Variants in LRP1B observed in about 807,000 individuals in gnomAD.
The protein encoded by LRP1B is LDL receptor related protein 1B, also known as low-density lipoprotein receptor-related protein 1B.
In LRP1B, 217 loss-of-function variants were observed where a neutral mutation model predicts 556.6. That is an observed-to-expected ratio of 0.39 (90% CI 0.35 to 0.44). The LOEUF is 0.44. Among genes scored for constraint, LRP1B ranks in the 20% least tolerant of loss-of-function variants. The probability of loss-of-function intolerance (pLI) is 1.00; values close to 1 mark genes in which losing one functional copy is unlikely to be tolerated. For missense variants in LRP1B, 5,053 were observed against 5,620.8 expected (o/e 0.90, Z 3.23); for synonymous variants, 2,047 against 1,865.8 (o/e 1.10, Z -2.50).
At chr2:141,363,649 T>G (rs935097669) in intron 3 of LRP1B, among the ~76,000 whole-genome samples, 1 of 152,164 alleles carries the variant, frequency 6.6e-6, no homozygotes, top group Non-Finnish European at 1.5e-5. Flanking sequence ...TATCACACTA[T>G]CAGAAGTCTT....
Position 140,700,600 on chromosome 2 carries a change from T to C in LRP1B, c.6449A>G (p.Asp2150Gly), listed in dbSNP as rs755390404. 4 of 1,613,526 alleles carry C rather than the reference T, an allele frequency of 2.5e-6. No homozygotes were observed. In the South Asian group the frequency reaches 3.3e-5, roughly 13 times the overall value. ...ACAGAGTTGCTTACAGCCACCATTG[T>C]CCCTGGCACAAACATTGGTCCCTAA... is the stretch of plus-strand genomic sequence containing the variant. ...REKGTNVCAR[D>G]NGGCKQLCLY... Residue 2150 changes from aspartate to glycine, a missense_variant, in exon 41 of 91, where the codon GAC (aspartate) becomes GGC (glycine). Asp to Gly is a moderately conservative substitution (Grantham distance 94). Transcript: ENST00000389484.
intron 27 of LRP1B, among the ~76,000 whole-genome samples, chr2:140,864,618 A>T (rs1424079527): frequency 6.6e-6 from 1 of 152,042 alleles, no homozygotes; most frequent in Non-Finnish European, 1.5e-5. Flanking sequence ...CTAACACATG[A>T]CCCAAAAAGT....
intron 2 of LRP1B, among the ~76,000 whole-genome samples, chr2:141,733,168 CT>C (rs1256736564): frequency 6.6e-6 from 1 of 152,110 alleles, no homozygotes; most frequent in African/African-American, 2.4e-5. Flanking sequence ...TTTAGTTCCA[CT>C]TATTCTAATT....
chr2:141,197,687 T>A (rs1681814031), intron 6 of LRP1B, among the ~76,000 whole-genome samples: 1 of 152,106 alleles, frequency 6.6e-6, no homozygotes, highest in African/African-American at 2.4e-5. Flanking sequence ...AAGTGACCAG[T>A]TAGGAACATA....
intron 3 of LRP1B, among the ~76,000 whole-genome samples, chr2:141,291,672 C>T (rs866594831): frequency 7.2e-5 from 11 of 151,736 alleles, no homozygotes; most frequent in African/African-American, 2.2e-4. Context: ...CTGGCTAACA[C>T]GGTGAAACCC....
chr2:141,530,748 T>C (rs1684845419), intron 2 of LRP1B, among the ~76,000 whole-genome samples: 1 of 152,010 alleles, frequency 6.6e-6, no homozygotes, highest in Non-Finnish European at 1.5e-5. Context: ...ATGGGTGGTG[T>C]CAGCTACAGG....
At position 141,605,092 on chromosome 2, in the gene LRP1B, G is replaced by C. The variant is rs116637314; in HGVS notation, c.206-124559C>G. ...GGTTCCTGGCTGGCAAAGTGACCAAGAAAAATCCTGCGTCACTATGGAGCA... is the reference window on the plus strand; with the variant it reads ...GGTTCCTGGCTGGCAAAGTGACCAACAAAAATCCTGCGTCACTATGGAGCA... On this transcript the variant is annotated intron_variant, in intron 2 of 90. Transcript: ENST00000389484. Among the ~76,000 whole-genome samples, 136 of 152,062 alleles carry C rather than the reference G, an allele frequency of 8.9e-4. 1 individual carries two copies. The highest frequency in any genetic ancestry group is 3.0e-3 in the African/African-American group (126 of 41,486).
At chr2:140,532,141 T>A (rs75690389) in intron 47 of LRP1B, among the ~76,000 whole-genome samples, 9,411 of 152,082 alleles carry the variant, frequency 0.062, 480 homozygotes, top group African/African-American at 0.15. Flanking sequence ...AATCTCAAAA[T>A]GCAAACCATC....
intron 18 of LRP1B, among the ~76,000 whole-genome samples, chr2:140,972,747 T>A (rs1696469735): frequency 6.6e-6 from 1 of 151,828 alleles, no homozygotes; most frequent in African/African-American, 2.4e-5. Context: ...ATAATGATAA[T>A]ATTTGATCAT....
chr2:141,509,848 G>T (rs1005999923), intron 2 of LRP1B, among the ~76,000 whole-genome samples: 1 of 152,000 alleles, frequency 6.6e-6, no homozygotes, highest in African/African-American at 2.4e-5. Context: ...TTTACACAAG[G>T]TGTTAAAGAA....
intron 78 of LRP1B, 35 bp from the exon 79 acceptor site, chr2:140,334,594 A>T (rs781116697): frequency 1.6e-6 from 2 of 1,229,404 alleles, no homozygotes; most frequent in Admixed American, 2.4e-5. Context: ...TAGCCTGGTG[A>T]TGGTGCTGCT....
At chr2:140,638,731 T>A (rs1684164466) in intron 41 of LRP1B, among the ~76,000 whole-genome samples, 1 of 152,058 alleles carries the variant, frequency 6.6e-6, no homozygotes, top group South Asian at 2.1e-4. Flanking sequence ...GGGTAAATGA[T>A]TTTATATGTA....
chr2:142,115,853 TA>T (rs1707251730), intron 1 of LRP1B, among the ~76,000 whole-genome samples: 1 of 2,428 alleles, frequency 4.1e-4, no homozygotes, highest in South Asian at 0.013. Context: ...TATATATATA[TA>T]CATATATATA....
rs768424273 is a variant in LRP1B at position 141,049,208 on chromosome 2, A to T, written c.1567T>A (p.Leu523Met). 6.2e-7 allele frequency: 1 copy of T among 1,611,038 alleles called. No homozygotes were observed. The highest frequency in any genetic ancestry group is 1.1e-5 in the South Asian group (1 of 91,016). ...CGTCCTTTCCCATAAAAGAGGAACA[A>T]CTCATTCTTTGGTCCTGCAGAGGAA... The part of the protein sequence containing the change: ...GRSCKRPKNE[L>M]FLFYGKGRPG... Residue 523 changes from leucine (L) to methionine (M), a missense_variant, in exon 11 of 91, where the codon TTG (leucine) becomes ATG (methionine). Leu to Met is a conservative substitution (Grantham distance 15, BLOSUM62 2). Transcript: ENST00000389484.
At chr2:141,207,604 T>A (rs1322570400) in intron 6 of LRP1B, among the ~76,000 whole-genome samples, 1 of 152,208 alleles carries the variant, frequency 6.6e-6, no homozygotes, top group African/African-American at 2.4e-5. Context: ...ATTTTGTGTG[T>A]GTGAAGCATT....
intron 2 of LRP1B, among the ~76,000 whole-genome samples, chr2:141,666,850 A>G (rs1025343649): frequency 2.0e-5 from 3 of 152,226 alleles, no homozygotes; most frequent in African/African-American, 7.2e-5. Context: ...GAGGGTAAAC[A>G]TGGAAACCAT....
At position 141,845,269 on chromosome 2, in the gene LRP1B, C is replaced by T. The variant is rs138630527; in HGVS notation, c.83-34868G>A. Among the ~76,000 whole-genome samples the T allele has an allele frequency of 2.8e-4, 42 of 151,586 alleles. No homozygotes were observed. In the East Asian group the frequency reaches 7.6e-3, roughly 27 times the overall value. ...GACCTCTGCAGTAATTTTTAATAAA[C>T]CAGTTATATTAGTTTAAAAACAAAA... On this transcript the variant is annotated intron_variant, in intron 1 of 90. Coordinates refer to ENST00000389484, the MANE Select transcript of LRP1B (RefSeq NM_018557.3).
chr2:141,875,792 A>C (rs1698737488), intron 1 of LRP1B, among the ~76,000 whole-genome samples: 1 of 151,918 alleles, frequency 6.6e-6, no homozygotes, highest in African/African-American at 2.4e-5. Context: ...TGTGATATCA[A>C]GGTTCATGTA....
At chr2:140,902,830 C>T (rs2105222049) in intron 23 of LRP1B, 90 bp downstream of exon 23, 1 of 1,355,338 alleles carries the variant, frequency 7.4e-7, no homozygotes, top group Middle Eastern at 1.9e-4. Context: ...TGAGTTGAAT[C>T]CTTTCATTAA....
Sources: gnomAD v4.1 joint callset for allele counts (sites outside exome capture counted in the v4.1 genomes callset) on GRCh38, gnomAD v4.1.1 for gene constraint, MANE v1.5 for transcripts, NCBI Gene and HGNC (gene_info 2026-07-23, HGNC 2026-07-21) for gene names.